Variants in SLC9C1 observed in about 807,000 individuals in gnomAD.
SLC9C1 encodes the protein sodium/hydrogen exchanger 10.
In SLC9C1, 97 loss-of-function variants were observed where a neutral mutation model predicts 140.9. That is an observed-to-expected ratio of 0.69 (90% CI 0.58 to 0.82). The LOEUF is 0.82. Among genes scored for constraint, SLC9C1 ranks in the 40% least tolerant of loss-of-function variants. SLC9C1 has a pLI of 0.00. For synonymous variants in SLC9C1, 440 were observed against 442.6 expected (o/e 0.99, Z 0.07); for missense variants, 1,340 against 1,389.3 (o/e 0.96, Z 0.56).
At chr3:112,154,364 T>C (rs2075069985) in intron 27 of SLC9C1, among the ~76,000 whole-genome samples, 1 of 152,148 alleles carries the variant, frequency 6.6e-6, no homozygotes, top group Admixed American at 6.5e-5. Context: ...TTTCATTATA[T>C]TTCTCTCTGC....
At position 112,180,650 on chromosome 3, in the gene SLC9C1, C is replaced by T; in HGVS notation, c.2662G>A (p.Val888Ile). ...YINFIQEKAK[V>I]VTFDCGNDIF... ...TCATTTCCACAATCAAATGTTACAA[C>T]TTTGGCTTTTTCCTAAAAGATACCA... The change falls in exon 22 of 29, where the codon GTT becomes ATT. Residue 888 changes from valine to isoleucine, a missense_variant. Val to Ile is a conservative substitution (Grantham distance 29, BLOSUM62 3). Transcript: ENST00000305815. The T allele has an allele frequency of 6.2e-7, 1 of 1,612,688 alleles. No homozygotes were observed. The highest frequency in any genetic ancestry group is 1.7e-5 in the Admixed American group (1 of 59,830).
At chr3:112,278,897 C>T (rs1271176998) in intron 3 of SLC9C1, 40 bp from the exon 4 acceptor site, 2 of 1,517,764 alleles carry the variant, frequency 1.3e-6, no homozygotes, top group Non-Finnish European at 8.8e-7. Flanking sequence ...ATTTATTCAT[C>T]ACTATTAGAA....
At chr3:112,268,915 G>T (rs367731199) in intron 7 of SLC9C1, among the ~76,000 whole-genome samples, 1 of 152,124 alleles carries the variant, frequency 6.6e-6, no homozygotes, top group Admixed American at 6.5e-5. Flanking sequence ...TGATTCTGAG[G>T]CTGTGTCAGG....
At chr3:112,185,338 G>GT (rs1258029584) in intron 20 of SLC9C1, 1 of 635,538 alleles carries the variant, frequency 1.6e-6, no homozygotes, top group East Asian at 2.8e-5. Context: ...AAAAAGTCGT[G>GT]TAAAAAAAAA....
At chr3:112,187,461 T>C (rs962368639) in intron 20 of SLC9C1, among the ~76,000 whole-genome samples, 3 of 152,136 alleles carry the variant, frequency 2.0e-5, no homozygotes, top group Admixed American at 1.3e-4. Context: ...CTTCATTGAA[T>C]GTGGTGAGTT....
At chr3:112,163,748 G>C (rs1033085316) in intron 26 of SLC9C1, among the ~76,000 whole-genome samples, 1 of 152,154 alleles carries the variant, frequency 6.6e-6, no homozygotes, top group African/African-American at 2.4e-5. Flanking sequence ...TGTATATTCT[G>C]TTGATTTGGG....
intron 1 of SLC9C1, among the ~76,000 whole-genome samples, chr3:112,290,973 C>T (rs2080664954): frequency 6.6e-6 from 1 of 151,986 alleles, no homozygotes; most frequent in African/African-American, 2.4e-5. Context: ...GACAGCATAC[C>T]ATAGGGTCTG....
intron 11 of SLC9C1, 27 bp from the exon 12 acceptor site, chr3:112,240,033 A>C (rs969876162): frequency 9.5e-6 from 15 of 1,578,534 alleles, no homozygotes; most frequent in Non-Finnish European, 1.1e-5. Context: ...CATTTGATAA[A>C]TAGTAGAAAC....
intron 8 of SLC9C1, among the ~76,000 whole-genome samples, chr3:112,264,698 A>C (rs1186021682): frequency 1.3e-5 from 2 of 152,062 alleles, no homozygotes; most frequent in African/African-American, 4.8e-5. Context: ...AAGAGTTAAC[A>C]TGGACCTGTT....
intron 3 of SLC9C1, among the ~76,000 whole-genome samples, chr3:112,279,511 G>T (rs1365674118): frequency 6.6e-6 from 1 of 152,168 alleles, no homozygotes; most frequent in Non-Finnish European, 1.5e-5. Context: ...GACGAAGAAA[G>T]AAGTTTCAGG....
chr3:112,239,746 T>C, intron 12 of SLC9C1, 94 bp downstream of exon 12: 1 of 1,204,458 alleles, frequency 8.3e-7, no homozygotes, highest in Non-Finnish European at 1.1e-6. Flanking sequence ...CAATTACAAA[T>C]ATTAAAACTT....
At chr3:112,283,817 A>G (rs1312749552) in intron 2 of SLC9C1, among the ~76,000 whole-genome samples, 1 of 137,240 alleles carries the variant, frequency 7.3e-6, no homozygotes, top group Non-Finnish European at 1.5e-5. Flanking sequence ...TTTTGCTGCC[A>G]GCTCTTTAGT....
chr3:112,276,829 C>A (rs1440425846), intron 5 of SLC9C1, among the ~76,000 whole-genome samples: 1 of 152,006 alleles, frequency 6.6e-6, no homozygotes, highest in Non-Finnish European at 1.5e-5. Flanking sequence ...TTGGCATCTT[C>A]TTCTAAAGTG....
chr3:112,181,684 G>C (rs920566210), intron 21 of SLC9C1, among the ~76,000 whole-genome samples: 1 of 152,084 alleles, frequency 6.6e-6, no homozygotes, highest in Non-Finnish European at 1.5e-5. Flanking sequence ...AAACAATATA[G>C]TTCACAGGAA....
At position 112,169,271 on chromosome 3, in the gene SLC9C1, TGA is replaced by T. The variant is rs1167835604; in HGVS notation, c.2975_2976del (p.Leu992HisfsTer2). The stretch of plus-strand genomic sequence containing the variant: ...AGTTTTAGCCACATTTTTTGTTTAA[TGA>T]GAGGAGAGCATTGCTCAAAAGCATC... The part of the protein sequence containing the change: ...LYDAFEQCSP[L>X]IKQKMWLKLG... On this transcript the variant is annotated frameshift_variant, in exon 24 of 29. Transcript: ENST00000305815. LOFTEE classifies it high-confidence loss of function. 6.2e-7 allele frequency: 1 copy of T among 1,613,452 alleles called. No homozygotes were observed. The highest frequency in any genetic ancestry group is 8.5e-7 in the Non-Finnish European group (1 of 1,179,772).
intron 15 of SLC9C1, among the ~76,000 whole-genome samples, chr3:112,213,815 C>A (rs908831205): frequency 2.0e-5 from 3 of 152,184 alleles, no homozygotes; most frequent in African/African-American, 4.8e-5. Context: ...AGAAAGTTAA[C>A]AAGGATATCC....
chr3:112,274,802 A>G, intron 6 of SLC9C1, 95 bp downstream of exon 6: 2 of 1,189,230 alleles, frequency 1.7e-6, no homozygotes, highest in Non-Finnish European at 2.3e-6. Flanking sequence ...TATTCCTACA[A>G]ATATAACTTA....
intron 16 of SLC9C1, 64 bp from the exon 17 acceptor site, chr3:112,204,467 C>A (rs2077990738): frequency 1.3e-6 from 2 of 1,485,828 alleles, no homozygotes; most frequent in Non-Finnish European, 1.8e-6. Context: ...CCATTTTCCA[C>A]AATAATTTAA....
At chr3:112,294,023 G>A (rs1239454160) in intron 1 of SLC9C1, 70 bp downstream of exon 1, 1 of 152,210 alleles carries the variant, frequency 6.6e-6, no homozygotes, top group Non-Finnish European at 1.5e-5. Flanking sequence ...TAGGAGGCGA[G>A]ACTGAGAGAG....
Sources: allele counts gnomAD v4.1 joint callset (sites outside exome capture counted in the v4.1 genomes callset), GRCh38; gene constraint gnomAD v4.1.1; transcripts MANE v1.5; gene names NCBI Gene and HGNC (gene_info 2026-07-23, HGNC 2026-07-21).